The following RPS6KC1 variants were observed in gnomAD, a reference collection of about 807,000 sequenced individuals.
RPS6KC1 encodes inactive ribosomal protein S6 kinase delta-1.
In RPS6KC1, 54 loss-of-function variants were observed where a neutral mutation model predicts 103.8. The observed-to-expected ratio is 0.52, with a 90% CI of 0.42 to 0.65. The LOEUF is 0.65. RPS6KC1 is among the 30% of genes least tolerant of loss of function. The probability of loss-of-function intolerance (pLI) is 0.00; values close to 1 mark genes in which losing one functional copy is unlikely to be tolerated. For synonymous variants in RPS6KC1, 439 were observed against 438.7 expected (o/e 1.00, Z -0.01); for missense variants, 1,151 against 1,253.8 (o/e 0.92, Z 1.24).
chr1:213,828,463 C>T, the RPS6KC1 span, among the ~76,000 whole-genome samples: 8 of 152,146 alleles, frequency 5.3e-5, no homozygotes, highest in African/African-American at 1.7e-4. Context: ...AAAAGTCCAC[C>T]GTGCACATGT....
At chr1:213,756,229 T>A in the RPS6KC1 span, among the ~76,000 whole-genome samples, 1 of 152,192 alleles carries the variant, frequency 6.6e-6, no homozygotes, top group African/African-American at 2.4e-5. Flanking sequence ...GGAGCTCCCT[T>A]GAGAGCAAAA....
At chr1:213,705,829 C>T in the RPS6KC1 span, among the ~76,000 whole-genome samples, 2 of 152,306 alleles carry the variant, frequency 1.3e-5, no homozygotes, top group East Asian at 3.9e-4. Flanking sequence ...CTGGGTTCTT[C>T]CCTTCAGTCA....
the RPS6KC1 span, among the ~76,000 whole-genome samples, chr1:213,283,900 CT>C: frequency 6.6e-6 from 1 of 151,938 alleles, no homozygotes; most frequent in Admixed American, 6.5e-5. Flanking sequence ...ACTTAACTCA[CT>C]TTATTCTCAT....
At chr1:213,428,491 T>TCCC in the RPS6KC1 span, among the ~76,000 whole-genome samples, 3 of 62,494 alleles carry the variant, frequency 4.8e-5, no homozygotes, top group African/African-American at 1.9e-4. Context: ...CCTTCCTTCC[T>TCCC]TCCTTCCTTC....
At chr1:213,235,054 C>A (rs1041294981) in intron 10 of RPS6KC1, among the ~76,000 whole-genome samples, 3 of 152,126 alleles carry the variant, frequency 2.0e-5, no homozygotes, top group African/African-American at 7.2e-5. Context: ...AGGAAGTTGG[C>A]CTGTGTCATA....
chr1:213,313,702 C>T, the RPS6KC1 span, among the ~76,000 whole-genome samples: 1 of 152,176 alleles, frequency 6.6e-6, no homozygotes, highest in Non-Finnish European at 1.5e-5. Flanking sequence ...CGGTGGCTCA[C>T]GCCTGTAATC....
chr1:213,239,656 G>T (rs1212603703), intron 10 of RPS6KC1, among the ~76,000 whole-genome samples: 1 of 152,008 alleles, frequency 6.6e-6, no homozygotes, highest in Non-Finnish European at 1.5e-5. Flanking sequence ...CTGAAAAATT[G>T]TCTTCTTTAT....
chr1:213,517,766 T>G, the RPS6KC1 span, among the ~76,000 whole-genome samples: 1 of 152,188 alleles, frequency 6.6e-6, no homozygotes, highest in African/African-American at 2.4e-5. Flanking sequence ...AGAGCTGAGT[T>G]CAGTTCCTGG....
chr1:213,431,655 ATG>A, the RPS6KC1 span, among the ~76,000 whole-genome samples: 6,167 of 141,272 alleles, frequency 0.044, 325 homozygotes, highest in East Asian at 0.13. Flanking sequence ...GTTTGTGTGT[ATG>A]TGTGTGTGTG....
intron 14 of RPS6KC1, among the ~76,000 whole-genome samples, chr1:213,263,804 A>G (rs927436588): frequency 6.6e-6 from 1 of 152,212 alleles, no homozygotes; most frequent in Non-Finnish European, 1.5e-5. Flanking sequence ...AAGGCTGTCA[A>G]AGAGTTTTAA....
At chr1:213,314,345 T>C in the RPS6KC1 span, among the ~76,000 whole-genome samples, 17 of 152,366 alleles carry the variant, frequency 1.1e-4, no homozygotes, top group East Asian at 9.6e-4. Context: ...CATAGCTTTC[T>C]GGGGGACCCA....
chr1:213,658,276 G>A, the RPS6KC1 span, among the ~76,000 whole-genome samples: 1 of 152,184 alleles, frequency 6.6e-6, no homozygotes. Context: ...ATGAGCCTGG[G>A]GAACTAGTTG....
chr1:213,790,509 C>A, the RPS6KC1 span, among the ~76,000 whole-genome samples: 1 of 151,994 alleles, frequency 6.6e-6, no homozygotes, highest in Non-Finnish European at 1.5e-5. Flanking sequence ...GAAGAGTTGT[C>A]AACATCTGTC....
the RPS6KC1 span, among the ~76,000 whole-genome samples, chr1:213,304,695 C>T: frequency 6.6e-6 from 1 of 151,594 alleles, no homozygotes; most frequent in African/African-American, 2.4e-5. Flanking sequence ...GCATGTGCCA[C>T]CATGCCTGGC....
At chr1:213,696,896 T>C in the RPS6KC1 span, among the ~76,000 whole-genome samples, 1 of 152,104 alleles carries the variant, frequency 6.6e-6, no homozygotes, top group Non-Finnish European at 1.5e-5. Context: ...CTGGAGATAG[T>C]GTTAGATCCC....
chr1:213,232,398 C>CT (rs1558591986), intron 10 of RPS6KC1, 143 bp downstream of exon 10: 1 of 1,026,672 alleles, frequency 9.7e-7, no homozygotes, highest in Non-Finnish European at 1.5e-6. Flanking sequence ...TACCTCCCTA[C>CT]TTTGAGTTGT....
the RPS6KC1 span, among the ~76,000 whole-genome samples, chr1:213,805,396 C>T: frequency 6.7e-6 from 1 of 149,644 alleles, no homozygotes; most frequent in South Asian, 2.2e-4. Context: ...GTTTATGTAA[C>T]ATTCTAATCC....
chr1:213,533,926 C>T, the RPS6KC1 span, among the ~76,000 whole-genome samples: 1 of 152,172 alleles, frequency 6.6e-6, no homozygotes, highest in Non-Finnish European at 1.5e-5. Flanking sequence ...GGGGGCCAGT[C>T]GATCAAGGAA....
chr1:213,205,320 G>C, intron 8 of RPS6KC1: 1 of 984,888 alleles, frequency 1.0e-6, no homozygotes, highest in Non-Finnish European at 1.2e-6. Context: ...CAGCAAGCTA[G>C]ATAAAGATAA....
Sources: gnomAD v4.1 joint callset for allele counts (sites outside exome capture counted in the v4.1 genomes callset) on GRCh38, gnomAD v4.1.1 for gene constraint, MANE v1.5 for transcripts, NCBI Gene and HGNC (gene_info 2026-07-23, HGNC 2026-07-21) for gene names.